The following ROCK2 variants were observed in gnomAD, a reference collection of about 807,000 sequenced individuals.
ROCK2 encodes rho-associated protein kinase 2.
ROCK2 carries 61 observed loss-of-function variants against 195.1 expected under a neutral mutation model. The ratio of observed to expected loss-of-function variants is 0.31; its 90% CI spans 0.25 to 0.39. ROCK2 has a LOEUF of 0.39. Ranked by LOEUF, ROCK2 falls within the 10% of genes least tolerant of loss-of-function variation. ROCK2 has a pLI of 1.00. For missense variants in ROCK2, 1,109 were observed against 1,637.4 expected, an observed-to-expected ratio of 0.68 and a Z score of 5.57; for synonymous variants, 504 against 545.5, an observed-to-expected ratio of 0.92 and a Z score of 1.06.
upstream of ROCK2, among the ~76,000 whole-genome samples, chr2:11,345,288 G>C (rs1290400407): frequency 1.3e-5 from 2 of 152,166 alleles, no homozygotes; most frequent in Non-Finnish European, 2.9e-5. Flanking sequence ...TCAAGAGAAC[G>C]GGAGAGCACC....
intron 11 of ROCK2, chr2:11,217,693 T>C (rs1052003907): frequency 6.3e-6 from 1 of 158,362 alleles, no homozygotes; most frequent in Non-Finnish European, 1.4e-5. Context: ...AAATGATAGC[T>C]AATTAATTAC....
chr2:11,294,425 T>G (rs1032659761), intron 1 of ROCK2, among the ~76,000 whole-genome samples: 4 of 146,646 alleles, frequency 2.7e-5, no homozygotes, highest in African/African-American at 1.1e-4. Context: ...TATATGGTGT[T>G]AATTATATGG....
At chr2:11,262,617 T>C (rs1304103381) in intron 3 of ROCK2, among the ~76,000 whole-genome samples, 1 of 152,196 alleles carries the variant, frequency 6.6e-6, no homozygotes, top group Non-Finnish European at 1.5e-5. Flanking sequence ...ACAAGCTCTC[T>C]TTGCCTGCTG....
intron 5 of ROCK2, among the ~76,000 whole-genome samples, chr2:11,232,925 C>T (rs902669118): frequency 9.2e-5 from 14 of 152,134 alleles, no homozygotes; most frequent in Non-Finnish European, 2.1e-4. Flanking sequence ...ACAAGATTAA[C>T]ATAACTGGTC....
chr2:11,339,330 C>T (rs1476441180), intron 1 of ROCK2, among the ~76,000 whole-genome samples: 2 of 152,014 alleles, frequency 1.3e-5, no homozygotes, highest in Non-Finnish European at 2.9e-5. Flanking sequence ...TGTTCACTGT[C>T]GATTTTTTCA....
At chr2:11,224,773 G>A (rs1664756843) in intron 6 of ROCK2, among the ~76,000 whole-genome samples, 1 of 151,524 alleles carries the variant, frequency 6.6e-6, no homozygotes, top group South Asian at 2.1e-4. Flanking sequence ...TAGTCCAAGA[G>A]AAAGAGTTCC....
At chr2:11,281,687 GA>G (rs1315345325) in intron 3 of ROCK2, among the ~76,000 whole-genome samples, 1 of 152,134 alleles carries the variant, frequency 6.6e-6, no homozygotes, top group African/African-American at 2.4e-5. Flanking sequence ...CAATGTATAT[GA>G]AATTAAATTC....
At chr2:11,343,306 T>G (rs770419500) in intron 1 of ROCK2, among the ~76,000 whole-genome samples, 1 of 152,178 alleles carries the variant, frequency 6.6e-6, no homozygotes, top group Non-Finnish European at 1.5e-5. Flanking sequence ...TTAGCAGCCT[T>G]TACGGTGCTA....
chr2:11,198,011 T>C (rs1164765105), intron 25 of ROCK2, among the ~76,000 whole-genome samples: 1 of 152,256 alleles, frequency 6.6e-6, no homozygotes, highest in Non-Finnish European at 1.5e-5. Flanking sequence ...AGAGAGACTT[T>C]AATAGGCAGA....
intron 20 of ROCK2, 110 bp downstream of exon 20, chr2:11,207,616 A>G: frequency 1.3e-6 from 1 of 774,982 alleles, no homozygotes; most frequent in Non-Finnish European, 2.0e-6. Context: ...AAATAAATAG[A>G]AAACATGGTC....
chr2:11,224,549 T>C, intron 6 of ROCK2, 89 bp from the exon 7 acceptor site: 1 of 1,191,328 alleles, frequency 8.4e-7, no homozygotes, highest in Non-Finnish European at 1.2e-6. Flanking sequence ...TAAGTTTAAA[T>C]TTGTCACATG....
chr2:11,191,206 T>C (rs189835294), intron 32 of ROCK2, among the ~76,000 whole-genome samples: 29 of 152,348 alleles, frequency 1.9e-4, no homozygotes, highest in African/African-American at 7.0e-4. Context: ...CTTGTGTTCA[T>C]TTCATGTTCA....
chr2:11,264,228 C>T (rs1666337764), intron 3 of ROCK2, among the ~76,000 whole-genome samples: 1 of 152,110 alleles, frequency 6.6e-6, no homozygotes, highest in Non-Finnish European at 1.5e-5. Context: ...AATGGTGAAA[C>T]ACTGTTAGCA....
upstream of ROCK2, among the ~76,000 whole-genome samples, chr2:11,345,381 C>G (rs939356979): frequency 1.3e-5 from 2 of 152,110 alleles, no homozygotes; most frequent in Non-Finnish European, 2.9e-5. Context: ...GGGACCGTTC[C>G]GCCGCATTCC....
chr2:11,320,067 C>A (rs1304622740), intron 1 of ROCK2, among the ~76,000 whole-genome samples: 7 of 152,104 alleles, frequency 4.6e-5, no homozygotes, highest in Non-Finnish European at 8.8e-5. Flanking sequence ...AGCACCAACA[C>A]CAGCTGTTAA....
intron 3 of ROCK2, among the ~76,000 whole-genome samples, 179 bp downstream of exon 3, chr2:11,286,359 TG>T (rs1468595058): frequency 6.6e-6 from 1 of 151,480 alleles, no homozygotes; most frequent in Non-Finnish European, 1.5e-5. Context: ...GTTTCAGAGC[TG>T]GAAGAGACCC....
In ROCK2 at chr2:11,316,883, A is replaced by T. The variant is rs557411587; in HGVS notation, c.141+27113T>A. 2.2e-4 allele frequency among the ~76,000 whole-genome samples: 33 copies of T among 152,248 alleles called. No homozygotes were observed. In the South Asian group the frequency reaches 6.6e-3, roughly 31 times the overall value. On this transcript the variant is annotated intron_variant, in intron 1 of 32. Coordinates refer to ENST00000315872, the MANE Select transcript of ROCK2 (RefSeq NM_004850.5). ...TCAAAATTTCTCAGTGAATTAAGAG[A>T]CTTAGAATAGACTAGAAGGGTCAAA... is the stretch of plus-strand genomic sequence containing the variant.
chr2:11,301,734 C>T (rs567881151), intron 1 of ROCK2, among the ~76,000 whole-genome samples: 5 of 149,996 alleles, frequency 3.3e-5, no homozygotes, highest in South Asian at 2.1e-4. Flanking sequence ...GCCAAGATCG[C>T]GCCATTGCAC....
At chr2:11,222,057 GAAA>G (rs1030151494) in intron 8 of ROCK2, 23 bp downstream of exon 8, 1 of 1,361,130 alleles carries the variant, frequency 7.3e-7, no homozygotes, top group African/African-American at 1.4e-5. Flanking sequence ...GTGATGGAAT[GAAA>G]ATATTTAGGT....
Sources: allele counts gnomAD v4.1 joint callset (sites outside exome capture counted in the v4.1 genomes callset), GRCh38; gene constraint gnomAD v4.1.1; transcripts MANE v1.5; gene names NCBI Gene and HGNC (gene_info 2026-07-23, HGNC 2026-07-21).